DDX5: variants seen among roughly 807,000 people sequenced by gnomAD.
DDX5 encodes DEAD-box helicase 5.
A neutral mutation model predicts 68.6 loss-of-function variants in DDX5; 6 were observed. That is an observed-to-expected ratio of 0.09 (90% CI 0.05 to 0.17). The LOEUF (loss-of-function observed/expected upper bound fraction) is 0.17. Ranked by LOEUF, DDX5 falls within the 10% of genes least tolerant of loss-of-function variation. The pLI, the probability that DDX5 is intolerant of heterozygous loss-of-function variation, is 1.00. For synonymous variants in DDX5, 350 were observed against 247.0 expected (o/e 1.42, Z -3.91); for missense variants, 499 against 756.1 (o/e 0.66, Z 3.99).
upstream of DDX5, chr17:64,506,523 G>C (rs6504238): frequency 0.13 from 86,811 of 670,490 alleles, 16,357 homozygotes; most frequent in African/African-American, 0.7. Flanking sequence ...CCTTCTTCTG[G>C]TCTTTCCACA....
chr17:64,504,737 C>T lies in DDX5; in HGVS notation c.150G>A (p.Glu50=). ...AAAAATTCTTCTCAAATTTAGGCAGCTCATCAAGATTCCACTTCTTTTTAA... is the reference window on the plus strand; with the variant it reads ...AAAAATTCTTCTCAAATTTAGGCAGTTCATCAAGATTCCACTTCTTTTTAA... ...KLVKKKWNLD[E]LPKFEKNFYQ... Residue 50 remains glutamate, a synonymous_variant, in exon 2 of 13, where the codon GAG becomes GAA. Coordinates refer to ENST00000225792, the MANE Select transcript of DDX5 (RefSeq NM_004396.5). 6.2e-7 allele frequency: 1 copy of T among 1,614,082 alleles called. No individual in the cohort carries two copies. The highest frequency in any genetic ancestry group is 8.5e-7 in the Non-Finnish European group (1 of 1,179,990).
intron 2 of DDX5, 137 bp from the exon 3 acceptor site, chr17:64,504,455 C>G: frequency 1.1e-6 from 1 of 919,624 alleles, no homozygotes; most frequent in Non-Finnish European, 1.6e-6. Context: ...CACCTATGAA[C>G]ACCCTATTAT....
rs373986284 is a variant in DDX5 at position 64,506,140 on chromosome 17, G to A, written c.-21C>T. The A allele has an allele frequency of 2.1e-5, 34 of 1,609,656 alleles. No homozygotes were observed. The highest frequency in any genetic ancestry group is 1.7e-4 in the Middle Eastern group (1 of 6,060). ...GACATGGCGTCAATGGTTGCGGTTG[G>A]CGGGGAACGAAGTATATAGAAAAGC... On this transcript the variant is annotated 5_prime_UTR_variant, in exon 1 of 13. Transcript: ENST00000225792.
At position 64,502,387 on chromosome 17, in the gene DDX5, C is replaced by G. The variant is rs781791351; in HGVS notation, c.1094+52G>C. 5 of 1,494,964 alleles carry G rather than the reference C, an allele frequency of 3.3e-6. No individual in the cohort carries two copies. In the Admixed American group the frequency reaches 6.9e-5, roughly 21 times the overall value. The allele number at this position is 1,494,964 out of a possible 1,614,324, so 92.6% of individuals were successfully genotyped here. On this transcript the variant is annotated intron_variant, in intron 9 of 12. Transcript: ENST00000225792. ...CCACTGCTCGTGATCCAAGTTTGCC[C>G]TTTCCTAAGCTGTTTTAATCAATCT... is the stretch of plus-strand genomic sequence containing the variant.
Position 64,499,197 on chromosome 17 carries a change from G to C in DDX5, c.*726C>G, listed in dbSNP as rs1245737205. On this transcript the variant is annotated 3_prime_UTR_variant, in exon 13 of 13. Coordinates refer to ENST00000225792, the MANE Select transcript of DDX5 (RefSeq NM_004396.5). ...AGTATAGCCAAGAGCATGAGTATAA[G>C]TCTCTTGAAAAAGCCAGTTATTTGG... 6.6e-6 allele frequency among the ~76,000 whole-genome samples: 1 copy of C among 152,142 alleles called. No individual in the cohort carries two copies. Among genetic ancestry groups the C allele is most frequent in the East Asian group, 1.9e-4 (1 of 5,194 alleles).
chr17:64,502,886 G>T (rs1401378735), intron 8 of DDX5, 40 bp downstream of exon 8: 22 of 1,523,230 alleles, frequency 1.4e-5, no homozygotes, highest in Non-Finnish European at 1.9e-5. Context: ...TTACAGCAAA[G>T]TTGTTAGGAA....
rs781907305 is a variant in DDX5, at chr17:64,504,039, G to A, written c.385C>T (p.Leu129=). The A allele has an allele frequency of 1.9e-6, 3 of 1,614,168 alleles. No individual in the cohort carries two copies. The highest frequency in any genetic ancestry group is 8.5e-7 in the Non-Finnish European group (1 of 1,180,028). Residue 129 remains leucine, a synonymous_variant, in exon 4 of 13, where the codon CTA becomes TTA. Transcript: ENST00000225792. ...AIQAQGWPVA[L]SGLDMVGVAQ... is the part of the protein sequence containing the mutation. ...ACTCCAACCATATCCAATCCACTTA[G>A]AGCAACTGGCCATCCCTGAGCTTGA...
intron 1 of DDX5, chr17:64,505,541 G>C (rs2038451740): frequency 6.5e-6 from 4 of 618,938 alleles, no homozygotes; most frequent in Non-Finnish European, 1.1e-5. Flanking sequence ...ACATTTTCTC[G>C]ACGCTGCCAT....
At chr17:64,503,401 T>C (rs781815027) in intron 6 of DDX5, 29 bp downstream of exon 6, 4 of 1,613,902 alleles carry the variant, frequency 2.5e-6, no homozygotes, top group East Asian at 4.5e-5. Context: ...TTAGCACCAA[T>C]GACAAATAAA....
At position 64,500,291 on chromosome 17, in the gene DDX5, G is replaced by C; in HGVS notation, c.1477C>G (p.Arg493Gly). ...SRGRGGMKDD[R>G]RDRYSAGKRG... ...TTGCCCGCAGAGTATCTGTCCCGAC[G>C]GTCATCCTTCATGCCTCCTCTACCC... Residue 493 changes from arginine (R) to glycine (G), a missense_variant, in exon 13 of 13, where the codon CGT (arginine) becomes GGT (glycine). Transcript: ENST00000225792. The C allele has an allele frequency of 6.2e-7, 1 of 1,612,984 alleles. No individual in the cohort carries two copies. Among genetic ancestry groups the C allele is most frequent in the Non-Finnish European group, 8.5e-7 (1 of 1,179,300 alleles).
chr17:64,500,397 G>C (rs1555670841), intron 12 of DDX5, 71 bp from the exon 13 acceptor site: 6 of 1,548,948 alleles, frequency 3.9e-6, no homozygotes, highest in Non-Finnish European at 5.2e-6. Flanking sequence ...GAAAGAAACA[G>C]ATCTATTCAT....
rs1555670262 is a variant in DDX5, at chr17:64,498,696, T to C, written c.*1227A>G. On this transcript the variant is annotated 3_prime_UTR_variant, in exon 13 of 13. Transcript: ENST00000225792. The stretch of plus-strand genomic sequence containing the variant: ...TGAAGTCTCCTGAAGACCTCTCTTC[T>C]GGCAAAAAAAAACACGTATCAGACT... 6.6e-6 allele frequency among the ~76,000 whole-genome samples: 1 copy of C among 150,820 alleles called. No individual in the cohort carries two copies. Among genetic ancestry groups the C allele is most frequent in the Non-Finnish European group, 1.5e-5 (1 of 67,898 alleles).
At chr17:64,506,022 C>T in intron 1 of DDX5, 54 bp downstream of exon 1, 1 of 1,265,228 alleles carries the variant, frequency 7.9e-7, no homozygotes, top group Non-Finnish European at 1.1e-6. Context: ...CCACCCTGAC[C>T]CGCCCTCCCA....
In DDX5 at chr17:64,506,125, C is replaced by T. The variant is rs781962125; in HGVS notation, c.-6G>A. ...TCACTCGAATAACCCGACATGGCGT[C>T]AATGGTTGCGGTTGGCGGGGAACGA... is the stretch of plus-strand genomic sequence containing the variant. On this transcript the variant is annotated 5_prime_UTR_variant, in exon 1 of 13. Coordinates refer to ENST00000225792, the MANE Select transcript of DDX5 (RefSeq NM_004396.5). The T allele has an allele frequency of 1.2e-6, 2 of 1,608,368 alleles. No individual in the cohort carries two copies. The highest frequency in any genetic ancestry group is 3.4e-5 in the Admixed American group (2 of 59,500).
chr17:64,500,806 T>A (rs200967986), intron 11 of DDX5, 33 bp from the exon 12 acceptor site: 3 of 1,538,024 alleles, frequency 2.0e-6, no homozygotes, highest in African/African-American at 2.7e-5. Flanking sequence ...AAAATAGCAA[T>A]GTACGGAGTT....
At position 64,499,908 on chromosome 17, in the gene DDX5, T is replaced by C; in HGVS notation, c.*15A>G. ...CAATTATGAAAAACAGACATTTACATATACTTCTAAAGTCTTATTGGGAAT... is the reference window on the plus strand; with the variant it reads ...CAATTATGAAAAACAGACATTTACACATACTTCTAAAGTCTTATTGGGAAT... On this transcript the variant is annotated 3_prime_UTR_variant, in exon 13 of 13. Transcript: ENST00000225792. The C allele has an allele frequency of 6.4e-7, 1 of 1,551,920 alleles. No individual in the cohort carries two copies. The highest frequency in any genetic ancestry group is 8.7e-7 in the Non-Finnish European group (1 of 1,148,476).
intron 8 of DDX5, 106 bp downstream of exon 8, chr17:64,502,819 GA>G: frequency 8.6e-7 from 1 of 1,166,182 alleles, no homozygotes; most frequent in Non-Finnish European, 1.2e-6. Context: ...CTAACTAAAT[GA>G]AATCACACCA....
chr17:64,501,062 A>C, intron 11 of DDX5: 1 of 460,260 alleles, frequency 2.2e-6, no homozygotes, highest in Non-Finnish European at 3.9e-6. Flanking sequence ...CTTACAGATC[A>C]TCAAGTGACA....
At chr17:64,504,460 T>C (rs1191036144) in intron 2 of DDX5, 142 bp from the exon 3 acceptor site, 9 of 913,316 alleles carry the variant, frequency 9.9e-6, no homozygotes, top group Non-Finnish European at 1.3e-5. Context: ...ATGAACACCC[T>C]ATTATGAAAA....
Sources: gnomAD v4.1 joint callset for allele counts (sites outside exome capture counted in the v4.1 genomes callset) on GRCh38, gnomAD v4.1.1 for gene constraint, MANE v1.5 for transcripts, NCBI Gene and HGNC (gene_info 2026-07-23, HGNC 2026-07-21) for gene names.